The following HS2ST1 variants were observed in gnomAD, a reference collection of about 807,000 sequenced individuals.
HS2ST1 encodes heparan sulfate 2-O-sulfotransferase 1.
In HS2ST1, 18 loss-of-function variants were observed where a neutral mutation model predicts 42.9. The observed-to-expected ratio is 0.42, with a 90% CI of 0.29 to 0.62. The LOEUF (loss-of-function observed/expected upper bound fraction) is 0.62, where lower values mean the gene tolerates loss of function less well. Among genes scored for constraint, HS2ST1 ranks in the 20% least tolerant of loss-of-function variants. The pLI, the probability that HS2ST1 is intolerant of heterozygous loss-of-function variation, is 0.21. For missense variants in HS2ST1, 334 were observed against 433.8 expected (o/e 0.77, Z 2.04); for synonymous variants, 146 against 152.9 (o/e 0.95, Z 0.33).
At chr1:87,038,153 A>G (rs188174768) in intron 1 of HS2ST1, among the ~76,000 whole-genome samples, 28 of 152,050 alleles carry the variant, frequency 1.8e-4, no homozygotes, top group Admixed American at 6.6e-4. Context: ...CTGTTTTATC[A>G]AGGTGGATTT....
At chr1:87,067,220 C>G (rs1651276528) in intron 1 of HS2ST1, among the ~76,000 whole-genome samples, 1 of 152,194 alleles carries the variant, frequency 6.6e-6, no homozygotes, top group African/African-American at 2.4e-5. Context: ...TCTCCACGTC[C>G]TCTCCAGCAT....
intron 1 of HS2ST1, among the ~76,000 whole-genome samples, chr1:87,053,138 T>C (rs1650875833): frequency 6.6e-6 from 1 of 152,240 alleles, no homozygotes; most frequent in Admixed American, 6.5e-5. Flanking sequence ...TTTTCGTTAA[T>C]GATACCCAAA....
intron 1 of HS2ST1, 119 bp from the exon 2 acceptor site, chr1:87,072,815 T>C (rs1651451137): frequency 4.2e-6 from 3 of 720,442 alleles, no homozygotes; most frequent in Non-Finnish European, 7.0e-6. Flanking sequence ...CCCTTGGTTC[T>C]TTGCTTTTGT....
chr1:87,067,108 A>G (rs1051165995), intron 1 of HS2ST1, among the ~76,000 whole-genome samples: 3 of 152,154 alleles, frequency 2.0e-5, no homozygotes, highest in Admixed American at 1.3e-4. Flanking sequence ...TGCTGGGTCA[A>G]ATGGTATTTC....
intron 1 of HS2ST1, among the ~76,000 whole-genome samples, chr1:86,968,541 A>T (rs781132223): frequency 6.6e-5 from 10 of 151,678 alleles, no homozygotes; most frequent in Admixed American, 2.0e-4. Flanking sequence ...AGTAGCTGGG[A>T]CTACAGGTGT....
At chr1:86,967,578 C>T (rs1648085286) in intron 1 of HS2ST1, among the ~76,000 whole-genome samples, 1 of 152,198 alleles carries the variant, frequency 6.6e-6, no homozygotes, top group South Asian at 2.1e-4. Context: ...AGTTACTTCA[C>T]TTAGAATAAT....
chr1:87,050,586 G>T (rs1650805432), intron 1 of HS2ST1, among the ~76,000 whole-genome samples: 3 of 152,040 alleles, frequency 2.0e-5, no homozygotes, highest in South Asian at 2.1e-4. Context: ...GTTGACTCCA[G>T]TGTTGCTTTC....
chr1:87,098,028 G>A (rs981454807), intron 5 of HS2ST1, 93 bp downstream of exon 5: 14 of 1,555,342 alleles, frequency 9.0e-6, no homozygotes, highest in African/African-American at 4.1e-5. Flanking sequence ...TAGGGAAATC[G>A]GTGAAAGACT....
chr1:87,043,302 T>G (rs1478105154), intron 1 of HS2ST1, among the ~76,000 whole-genome samples: 1 of 152,040 alleles, frequency 6.6e-6, no homozygotes, highest in Admixed American at 6.6e-5. Flanking sequence ...AAATAATAAA[T>G]TATGTAAGTT....
Position 87,001,139 on chromosome 1 carries a change from A to G in HS2ST1, c.125-71795A>G, listed in dbSNP as rs574258756. Among the ~76,000 whole-genome samples, 5 of 152,298 alleles carry G rather than the reference A, an allele frequency of 3.3e-5. No individual in the cohort carries two copies. The East Asian group carries it at 9.6e-4, about 29-fold the overall frequency. Reference sequence around the variant, plus strand: ...AGAGCAAAAATATTTTAAAATCTTTATTTTTCCAAAATGCCAAAATGTTGT... The same window carrying G: ...AGAGCAAAAATATTTTAAAATCTTTGTTTTTCCAAAATGCCAAAATGTTGT... On this transcript the variant is annotated intron_variant, in intron 1 of 6. Coordinates refer to ENST00000370550, the MANE Select transcript of HS2ST1 (RefSeq NM_012262.4).
At chr1:86,974,319 G>T (rs531862188) in intron 1 of HS2ST1, among the ~76,000 whole-genome samples, 53 of 152,254 alleles carry the variant, frequency 3.5e-4, no homozygotes, top group African/African-American at 1.2e-3. Context: ...TTATTAAACT[G>T]TGGGATTTGG....
chr1:86,997,312 A>G (rs1252541729), intron 1 of HS2ST1, among the ~76,000 whole-genome samples: 2 of 152,146 alleles, frequency 1.3e-5, no homozygotes, highest in Non-Finnish European at 1.5e-5. Context: ...CCAGGGCAGG[A>G]TTTCTGGAAA....
chr1:87,045,287 AAG>A (rs1335753699), intron 1 of HS2ST1: 1 of 1,108,532 alleles, frequency 9.0e-7, no homozygotes, highest in Non-Finnish European at 1.4e-6. Context: ...GTCCTGGAGG[AAG>A]TAATCTGCTT....
chr1:86,919,079 G>A (rs2102150999), intron 1 of HS2ST1, among the ~76,000 whole-genome samples: 1 of 151,844 alleles, frequency 6.6e-6, no homozygotes, highest in African/African-American at 2.4e-5. Flanking sequence ...CAAGTAGCGG[G>A]GATTGCAGGT....
intron 2 of HS2ST1, among the ~76,000 whole-genome samples, chr1:87,081,400 AG>A (rs1317399658): frequency 3.3e-5 from 5 of 152,212 alleles, no homozygotes; most frequent in African/African-American, 1.2e-4. Flanking sequence ...AGAAACCAAT[AG>A]CAAGACACAT....
At chr1:87,086,163 G>A (rs1343392604) in intron 3 of HS2ST1, among the ~76,000 whole-genome samples, 1 of 152,036 alleles carries the variant, frequency 6.6e-6, no homozygotes, top group Non-Finnish European at 1.5e-5. Context: ...AAGAAACATC[G>A]CCTTACCAAT....
chr1:86,964,729 CTACACACA>C (rs1190080357), intron 1 of HS2ST1, among the ~76,000 whole-genome samples: 1 of 152,204 alleles, frequency 6.6e-6, no homozygotes, highest in African/African-American at 2.4e-5. Context: ...TGCTTCCTTT[CTACACACA>C]GACACACATG....
chr1:87,018,347 T>G (rs1036983599), intron 1 of HS2ST1, among the ~76,000 whole-genome samples: 6 of 152,236 alleles, frequency 3.9e-5, no homozygotes, highest in African/African-American at 1.4e-4. Context: ...TTTTGAGTGC[T>G]TGCAGCTTCC....
Position 87,045,053 on chromosome 1 carries a change from A to G in HS2ST1, c.125-27881A>G, listed in dbSNP as rs1013490065. The G allele has an allele frequency of 4.1e-5, 49 of 1,187,510 alleles. No homozygotes were observed. In the African/African-American group the frequency reaches 5.6e-4, roughly 14 times the overall value. 73.6% of individuals were successfully genotyped at this position (1,187,510 alleles called of 1,614,324 possible). On this transcript the variant is annotated intron_variant, in intron 1 of 6. Transcript: ENST00000370550. ...TTCTCTCTTCTTCACTGACGTCAGC[A>G]TTCTTTGAAGAATCTTCTTCATCCG...
Sources: gnomAD v4.1 joint callset for allele counts (sites outside exome capture counted in the v4.1 genomes callset) on GRCh38, gnomAD v4.1.1 for gene constraint, MANE v1.5 for transcripts, NCBI Gene and HGNC (gene_info 2026-07-23, HGNC 2026-07-21) for gene names.